The following HS6ST3 variants were observed in gnomAD, a reference collection of about 807,000 sequenced individuals.
The protein encoded by HS6ST3 is heparan-sulfate 6-O-sulfotransferase 3.
In HS6ST3, 12 loss-of-function variants were observed where a neutral mutation model predicts 36.7. The ratio of observed to expected loss-of-function variants is 0.33; its 90% confidence interval spans 0.21 to 0.53. The LOEUF (loss-of-function observed/expected upper bound fraction) is 0.53. Ranked by LOEUF, HS6ST3 falls within the 20% of genes least tolerant of loss-of-function variation. The probability of loss-of-function intolerance (pLI) is 0.95; values close to 1 mark genes in which losing one functional copy is unlikely to be tolerated. For synonymous variants in HS6ST3, 240 were observed against 257.5 expected, an observed-to-expected ratio of 0.93 and a Z score of 0.65; for missense variants, 584 against 640.9, an observed-to-expected ratio of 0.91 and a Z score of 0.96.
chr13:96,562,694 T>C (rs1273985680), intron 1 of HS6ST3, among the ~76,000 whole-genome samples: 1 of 152,098 alleles, frequency 6.6e-6, no homozygotes, highest in Non-Finnish European at 1.5e-5. Flanking sequence ...ATTAAAAAAA[T>C]CATTTCTAGC....
At chr13:96,525,475 G>T (rs1430831772) in intron 1 of HS6ST3, among the ~76,000 whole-genome samples, 1 of 152,058 alleles carries the variant, frequency 6.6e-6, no homozygotes, top group African/African-American at 2.4e-5. Context: ...CTCTACAGCC[G>T]ACAGGTTATA....
intron 1 of HS6ST3, among the ~76,000 whole-genome samples, chr13:96,176,666 T>C (rs1248062957): frequency 3.3e-5 from 5 of 152,154 alleles, no homozygotes; most frequent in Non-Finnish European, 7.4e-5. Context: ...AATCCAAACT[T>C]TGAGAAACTC....
rs574886098 is a variant in HS6ST3 at position 96,120,495 on chromosome 13, A to T, written c.707+28926A>T. 1.1e-4 allele frequency among the ~76,000 whole-genome samples: 16 copies of T among 152,342 alleles called. No homozygotes were observed. The South Asian group carries it at 1.7e-3, about 16-fold the overall frequency. On this transcript the variant is annotated intron_variant, in intron 1 of 1. Coordinates refer to ENST00000376705, the MANE Select transcript of HS6ST3 (RefSeq NM_153456.4). ...TGTCCTATTATCTAAAAAATACCTA[A>T]ATGTATATACGTATATTCCTTCAAT...
chr13:96,211,658 T>C (rs895248918), intron 1 of HS6ST3, among the ~76,000 whole-genome samples: 4 of 152,178 alleles, frequency 2.6e-5, no homozygotes, highest in Admixed American at 2.0e-4. Context: ...CATTTTCTTC[T>C]CTTCTAGGAC....
At chr13:96,128,685 T>C (rs2053962644) in intron 1 of HS6ST3, among the ~76,000 whole-genome samples, 1 of 152,216 alleles carries the variant, frequency 6.6e-6, no homozygotes, top group Non-Finnish European at 1.5e-5. Context: ...CTTTTCTGTC[T>C]TCTTTCTCTT....
At chr13:96,273,025 A>G (rs2054728816) in intron 1 of HS6ST3, among the ~76,000 whole-genome samples, 1 of 152,064 alleles carries the variant, frequency 6.6e-6, no homozygotes, top group Non-Finnish European at 1.5e-5. Context: ...AGCTAAATTT[A>G]GAAAAGGAAT....
intron 1 of HS6ST3, among the ~76,000 whole-genome samples, chr13:96,265,627 A>C (rs2054688455): frequency 6.6e-6 from 1 of 152,166 alleles, no homozygotes; most frequent in South Asian, 2.1e-4. Flanking sequence ...TTTATGATGG[A>C]GTAATTTAGG....
At chr13:96,364,783 A>G (rs2055255367) in intron 1 of HS6ST3, among the ~76,000 whole-genome samples, 1 of 152,220 alleles carries the variant, frequency 6.6e-6, no homozygotes, top group Non-Finnish European at 1.5e-5. Context: ...ATGTTTTACC[A>G]CAATAAAAAT....
chr13:96,447,441 G>A (rs563425187), intron 1 of HS6ST3, among the ~76,000 whole-genome samples: 61 of 152,248 alleles, frequency 4.0e-4, no homozygotes, highest in African/African-American at 1.4e-3. Context: ...AGGGGTCCTG[G>A]GGAAGTTTTT....
At chr13:96,802,741 A>G (rs557580507) in intron 1 of HS6ST3, among the ~76,000 whole-genome samples, 11 of 152,296 alleles carry the variant, frequency 7.2e-5, no homozygotes, top group African/African-American at 2.6e-4. Flanking sequence ...AACATCTTTC[A>G]GTAAATTCCC....
intron 1 of HS6ST3, among the ~76,000 whole-genome samples, chr13:96,460,045 A>C (rs2055776227): frequency 6.6e-6 from 1 of 152,202 alleles, no homozygotes; most frequent in African/African-American, 2.4e-5. Context: ...GCTATATTGC[A>C]GTCATTAAAG....
intron 1 of HS6ST3, among the ~76,000 whole-genome samples, chr13:96,329,323 C>G (rs1198937480): frequency 7.2e-6 from 1 of 139,754 alleles, no homozygotes; most frequent in Non-Finnish European, 1.5e-5. Flanking sequence ...GCATTTAGTG[C>G]TATAAATTTC....
chr13:96,394,918 TTTA>T (rs1393769607), intron 1 of HS6ST3, among the ~76,000 whole-genome samples: 3 of 152,200 alleles, frequency 2.0e-5, no homozygotes, highest in African/African-American at 7.2e-5. Flanking sequence ...AATGGATATT[TTTA>T]TTATTTTATT....
intron 1 of HS6ST3, among the ~76,000 whole-genome samples, chr13:96,426,370 T>A (rs2055587276): frequency 6.6e-6 from 1 of 152,214 alleles, no homozygotes. Context: ...TGTAATTGTC[T>A]ATAAGTGCTT....
intron 1 of HS6ST3, among the ~76,000 whole-genome samples, chr13:96,402,146 G>A (rs2055455270): frequency 6.6e-6 from 1 of 152,050 alleles, no homozygotes; most frequent in Non-Finnish European, 1.5e-5. Context: ...GTTCTATTTA[G>A]GCCTCTTTAA....
intron 1 of HS6ST3, among the ~76,000 whole-genome samples, chr13:96,672,084 C>T (rs2056684456): frequency 6.6e-6 from 1 of 152,090 alleles, no homozygotes. Context: ...TTTCTAAATA[C>T]CATGCTCAGA....
chr13:96,182,131 G>A (rs1223096015), intron 1 of HS6ST3, among the ~76,000 whole-genome samples: 1 of 152,182 alleles, frequency 6.6e-6, no homozygotes, highest in African/African-American at 2.4e-5. Flanking sequence ...ATTGGTCCAC[G>A]CCTCTTGAGA....
intron 1 of HS6ST3, among the ~76,000 whole-genome samples, chr13:96,719,123 A>T (rs1875780168): frequency 6.6e-6 from 1 of 152,108 alleles, no homozygotes; most frequent in Non-Finnish European, 1.5e-5. Context: ...AAATACAAAA[A>T]ATTAGCAGGG....
At chr13:96,304,711 C>CTTTCTTTCTTTCTTT (rs766397124) in intron 1 of HS6ST3, among the ~76,000 whole-genome samples, 6 of 89,338 alleles carry the variant, frequency 6.7e-5, no homozygotes, top group African/African-American at 2.2e-4. Context: ...TTCTTTCTTT[C>CTTTCTTTCTTTCTTT]TTTTTTTTTT....
Sources: gnomAD v4.1 joint callset for allele counts (sites outside exome capture counted in the v4.1 genomes callset) on GRCh38, gnomAD v4.1.1 for gene constraint, MANE v1.5 for transcripts, NCBI Gene and HGNC (gene_info 2026-07-23, HGNC 2026-07-21) for gene names.